The following XKR9 variants were observed in gnomAD, a reference collection of about 807,000 sequenced individuals.
XKR9 encodes XK related 9.
A neutral mutation model predicts 32.0 loss-of-function variants in XKR9; 32 were observed. The ratio of observed to expected loss-of-function variants is 1.00; its 90% CI spans 0.76 to 1.34. The LOEUF (loss-of-function observed/expected upper bound fraction) is 1.34. Among genes scored for constraint, XKR9 ranks in the 40% most tolerant of loss-of-function variants. The pLI, the probability that XKR9 is intolerant of heterozygous loss-of-function variation, is 0.00. For missense variants in XKR9, 546 were observed against 429.7 expected (o/e 1.27, Z -2.39); for synonymous variants, 168 against 143.4 (o/e 1.17, Z -1.22).
the XKR9 span, among the ~76,000 whole-genome samples, chr8:70,920,836 T>C: frequency 6.6e-6 from 1 of 152,222 alleles, no homozygotes; most frequent in Non-Finnish European, 1.5e-5. Context: ...AGATCCTTTT[T>C]CTTTTTTAAA....
chr8:70,896,044 C>T, the XKR9 span, among the ~76,000 whole-genome samples: 2 of 151,988 alleles, frequency 1.3e-5, no homozygotes, highest in African/African-American at 4.8e-5. Context: ...ACCAGCTTTG[C>T]ATTTCTAGAT....
At chr8:71,013,639 G>C in the XKR9 span, among the ~76,000 whole-genome samples, 1 of 152,218 alleles carries the variant, frequency 6.6e-6, no homozygotes, top group Admixed American at 6.5e-5. Context: ...CGCCACAGCT[G>C]CATGTGTGTT....
At chr8:70,878,689 C>A in the XKR9 span, among the ~76,000 whole-genome samples, 1 of 152,138 alleles carries the variant, frequency 6.6e-6, no homozygotes, top group Non-Finnish European at 1.5e-5. Flanking sequence ...GGCTTAGACT[C>A]CCACACAATA....
chr8:70,764,452 C>T (rs1168435010), intron 2 of XKR9, among the ~76,000 whole-genome samples: 1 of 152,116 alleles, frequency 6.6e-6, no homozygotes, highest in African/African-American at 2.4e-5. Flanking sequence ...CTTCTCTTCC[C>T]AAAGTGCACT....
At chr8:70,993,240 A>AGAT in the XKR9 span, among the ~76,000 whole-genome samples, 1 of 152,236 alleles carries the variant, frequency 6.6e-6, no homozygotes, top group Admixed American at 6.5e-5. Context: ...AGCTGATCAC[A>AGAT]GATAATCAAA....
chr8:70,885,282 T>C, the XKR9 span, among the ~76,000 whole-genome samples: 3 of 152,224 alleles, frequency 2.0e-5, no homozygotes, highest in African/African-American at 7.2e-5. Flanking sequence ...AGTATTCTAT[T>C]GTATGGATAA....
the XKR9 span, among the ~76,000 whole-genome samples, chr8:71,021,327 G>A: frequency 0.024 from 3,648 of 152,102 alleles, 151 homozygotes; most frequent in African/African-American, 0.083. Flanking sequence ...GTCTTCTTTT[G>A]AGAAGTATCT....
chr8:70,726,997 C>A (rs1328423197), intron 4 of XKR9, among the ~76,000 whole-genome samples: 1 of 151,986 alleles, frequency 6.6e-6, no homozygotes, highest in Non-Finnish European at 1.5e-5. Flanking sequence ...TTAAAAAAAT[C>A]TGTTAAAAGG....
intron 3 of XKR9, among the ~76,000 whole-genome samples, chr8:70,702,183 A>G (rs1005345332): frequency 6.6e-5 from 10 of 152,138 alleles, no homozygotes; most frequent in African/African-American, 2.4e-4. Context: ...TTAGGGTTCA[A>G]TATTTATAAA....
the XKR9 span, among the ~76,000 whole-genome samples, chr8:70,902,765 T>G: frequency 6.6e-6 from 1 of 152,226 alleles, no homozygotes; most frequent in African/African-American, 2.4e-5. Flanking sequence ...GCTGTGGGTT[T>G]GTCATAAATA....
the XKR9 span, among the ~76,000 whole-genome samples, chr8:71,019,944 A>G: frequency 7.2e-5 from 11 of 152,174 alleles, no homozygotes; most frequent in Non-Finnish European, 1.3e-4. Context: ...CCTTCTACTT[A>G]CTGTTATTTT....
chr8:71,040,050 C>T, the XKR9 span, among the ~76,000 whole-genome samples: 1 of 152,014 alleles, frequency 6.6e-6, no homozygotes, highest in East Asian at 1.9e-4. Flanking sequence ...GTCTATTATC[C>T]CAAGATATCA....
chr8:70,919,551 C>T, the XKR9 span, among the ~76,000 whole-genome samples: 1 of 152,156 alleles, frequency 6.6e-6, no homozygotes, highest in South Asian at 2.1e-4. Flanking sequence ...CAGGATAGCG[C>T]TTTAACAACT....
the XKR9 span, among the ~76,000 whole-genome samples, chr8:70,871,648 C>T: frequency 4.6e-5 from 7 of 152,190 alleles, no homozygotes; most frequent in African/African-American, 1.4e-4. Flanking sequence ...TCCTCCATCT[C>T]CTTGCTTCTC....
intron 4 of XKR9, among the ~76,000 whole-genome samples, chr8:70,718,711 C>T (rs1312048088): frequency 6.6e-6 from 1 of 152,146 alleles, no homozygotes; most frequent in Non-Finnish European, 1.5e-5. Flanking sequence ...TTTCTTTATC[C>T]AGTCTATCAT....
the XKR9 span, among the ~76,000 whole-genome samples, chr8:70,824,133 G>GT: frequency 1.3e-5 from 2 of 152,098 alleles, no homozygotes; most frequent in East Asian, 3.9e-4. Flanking sequence ...TTCTGAGATT[G>GT]TGACTGAGGA....
intron 4 of XKR9, among the ~76,000 whole-genome samples, chr8:70,716,409 G>T (rs898706612): frequency 6.7e-6 from 1 of 149,916 alleles, no homozygotes; most frequent in African/African-American, 2.4e-5. Flanking sequence ...AGGTTTAATT[G>T]ACTCACATTC....
chr8:70,687,395 T>TTC (rs60787187), intron 3 of XKR9, among the ~76,000 whole-genome samples: 52,845 of 147,696 alleles, frequency 0.36, 10,121 homozygotes, highest in East Asian at 0.66. Flanking sequence ...CTCTTTCTCT[T>TTC]TCTCTCTCTC....
chr8:70,808,637 C>T, the XKR9 span, among the ~76,000 whole-genome samples: 1 of 152,220 alleles, frequency 6.6e-6, no homozygotes, highest in Non-Finnish European at 1.5e-5. Flanking sequence ...AAATGGCACA[C>T]CAGGAAATTG....
Sources: gnomAD v4.1 joint callset for allele counts (sites outside exome capture counted in the v4.1 genomes callset) on GRCh38, gnomAD v4.1.1 for gene constraint, MANE v1.5 for transcripts, NCBI Gene and HGNC (gene_info 2026-07-23, HGNC 2026-07-21) for gene names.